Variants in NCOA3 observed in about 807,000 individuals in gnomAD.
The protein encoded by NCOA3 is nuclear receptor coactivator 3.
In NCOA3, 51 loss-of-function variants were observed where a neutral mutation model predicts 158.8. The observed-to-expected ratio is 0.32, with a 90% CI of 0.26 to 0.41. The LOEUF is 0.41. Ranked by LOEUF, NCOA3 falls within the 10% of genes least tolerant of loss-of-function variation. NCOA3 has a pLI of 1.00. For synonymous variants in NCOA3, 537 were observed against 592.4 expected, an observed-to-expected ratio of 0.91 and a Z score of 1.36; for missense variants, 1,510 against 1,746.6, an observed-to-expected ratio of 0.86 and a Z score of 2.41.
rs193162605 is a variant in NCOA3, at chr20:47,571,201, C to T, written c.-98-11982C>T. 2.6e-3 allele frequency among the ~76,000 whole-genome samples: 389 copies of T among 151,712 alleles called. 8 individuals carry two copies. The highest frequency in any genetic ancestry group is 0.024 in the Admixed American group (372 of 15,212). Reference sequence around the variant, plus strand: ...TGTATTTTTAGTAGAGACAGGGTTTCACCATGTTGGCTAGGCAGGTCTAGA... The same window carrying T: ...TGTATTTTTAGTAGAGACAGGGTTTTACCATGTTGGCTAGGCAGGTCTAGA... On this transcript the variant is annotated intron_variant, in intron 1 of 22. Transcript: ENST00000371998.
chr20:47,653,603 C>T lies in NCOA3; in HGVS notation c.*186C>T, dbSNP rs6094766. On this transcript the variant is annotated 3_prime_UTR_variant, in exon 23 of 23. Transcript: ENST00000371998. ...ATTTTAAGCCGAAGGGCAATATCTA[C>T]GTGTTTTTCCCCCCTCCTTCTGCTG... is the stretch of plus-strand genomic sequence containing the variant. The T allele has an allele frequency of 3.8e-3, 2,553 of 669,064 alleles. 47 individuals carry two copies. In the African/African-American group the frequency reaches 0.04, roughly 10 times the overall value. The allele number at this position is 669,064 out of a possible 1,614,324, so 41.4% of individuals were successfully genotyped here. A position where few individuals can be genotyped will look rare whatever the true frequency, so the allele number is the denominator to read the frequency against.
intron 2 of NCOA3, among the ~76,000 whole-genome samples, chr20:47,616,913 G>T (rs1206111317): frequency 2.6e-5 from 4 of 152,174 alleles, no homozygotes; most frequent in Non-Finnish European, 5.9e-5. Flanking sequence ...ATATCTAATT[G>T]TAGGGAGTCA....
At chr20:47,530,935 G>T (rs1311760058) in intron 1 of NCOA3, among the ~76,000 whole-genome samples, 2 of 152,134 alleles carry the variant, frequency 1.3e-5, no homozygotes, top group African/African-American at 4.8e-5. Flanking sequence ...CTGTAAACTG[G>T]CGTAGCAGTA....
chr20:47,590,374 G>T (rs1404672560), intron 2 of NCOA3, among the ~76,000 whole-genome samples: 2 of 152,142 alleles, frequency 1.3e-5, no homozygotes, highest in East Asian at 3.9e-4. Flanking sequence ...TACCTGGAGT[G>T]CAGTGGTATG....
At chr20:47,570,095 A>C (rs548723070) in intron 1 of NCOA3, among the ~76,000 whole-genome samples, 1 of 152,258 alleles carries the variant, frequency 6.6e-6, no homozygotes, top group African/African-American at 2.4e-5. Flanking sequence ...TGATTTCGAC[A>C]ATGTTCACAG....
chr20:47,627,817 T>A, intron 7 of NCOA3, 68 bp downstream of exon 7: 3 of 1,583,692 alleles, frequency 1.9e-6, no homozygotes, highest in Non-Finnish European at 2.6e-6. Context: ...TTTTGAAACT[T>A]GTGTTGTAAC....
intron 2 of NCOA3, among the ~76,000 whole-genome samples, chr20:47,591,081 G>A (rs903193408): frequency 1.3e-5 from 2 of 152,180 alleles, no homozygotes; most frequent in East Asian, 3.8e-4. Flanking sequence ...TTGCATTCCA[G>A]CCTGGGAAAC....
intron 17 of NCOA3, among the ~76,000 whole-genome samples, chr20:47,646,624 T>C (rs1285582366): frequency 1.3e-5 from 2 of 151,796 alleles, no homozygotes; most frequent in Non-Finnish European, 2.9e-5. Flanking sequence ...CAAGAGAAAA[T>C]AAGAGAGCCT....
intron 1 of NCOA3, among the ~76,000 whole-genome samples, chr20:47,577,494 A>G (rs932436863): frequency 6.6e-6 from 1 of 152,128 alleles, no homozygotes; most frequent in African/African-American, 2.4e-5. Context: ...CTCTCATGGG[A>G]CTCTGGTCTT....
At chr20:47,612,785 T>G (rs1275031264) in intron 2 of NCOA3, among the ~76,000 whole-genome samples, 1 of 152,234 alleles carries the variant, frequency 6.6e-6, no homozygotes, top group Admixed American at 6.5e-5. Flanking sequence ...GTTAGTATGC[T>G]GTCAGGAGAG....
In NCOA3 at chr20:47,649,014, C is replaced by A; in HGVS notation, c.3556C>A (p.Gln1186Lys). 1 of 1,612,168 alleles carries A rather than the reference C, an allele frequency of 6.2e-7. No homozygotes were observed. The highest frequency in any genetic ancestry group is 1.1e-5 in the South Asian group (1 of 90,892). ...QRLQGQQFLN[Q>K]SRQALELKME... ...ACTTGTCTCACCTCAGTTTTTGAAT[C>A]AGAGCCGACAGGCACTTGAATTGAA... Residue 1186 changes from glutamine (Q) to lysine (K), a missense_variant, in exon 19 of 23, where the codon CAG becomes AAG. Physicochemically the swap from Gln to Lys is moderately conservative, Grantham distance 53. This residue lies in a region of NCOA3 where 1,017 missense variants were observed against 1,098.3 expected (regional missense o/e 0.93). Coordinates refer to ENST00000371998, the MANE Select transcript of NCOA3 (RefSeq NM_181659.3).
chr20:47,551,415 C>G (rs554581037), intron 1 of NCOA3, among the ~76,000 whole-genome samples: 8 of 152,252 alleles, frequency 5.3e-5, no homozygotes, highest in African/African-American at 1.9e-4. Flanking sequence ...TCCCATCTTT[C>G]AAGCAGTAGA....
Position 47,543,572 on chromosome 20 carries a change from G to A in NCOA3, c.-98-39611G>A, listed in dbSNP as rs2425959. On this transcript the variant is annotated intron_variant, in intron 1 of 22. Transcript: ENST00000371998. ...TTGCCCAGGCTGGAGTGCAATGGTG[G>A]GATCTCGGCTCACCGCAACCTCCAC... Among the ~76,000 whole-genome samples the A allele has an allele frequency of 4.0e-3, 611 of 151,138 alleles. 7 individuals carry two copies. The highest frequency in any genetic ancestry group is 0.014 in the African/African-American group (578 of 41,132).
chr20:47,633,868 G>T, intron 9 of NCOA3, 180 bp from the exon 10 acceptor site: 1 of 841,880 alleles, frequency 1.2e-6, no homozygotes. Context: ...TCTTGTTGGT[G>T]AGGGGTAGGA....
Position 47,635,647 on chromosome 20 carries a change from A to G in NCOA3, c.1438A>G (p.Ile480Val), listed in dbSNP as rs763839535. ...TGGTCTTGCCCCAAACCAGCAGAAT[A>G]TCATGATTTCTCCTCGTAATCGTGG... Reference protein sequence around the residue: ...SPGLAPNQQNIMISPRNRGSP... With the variant: ...SPGLAPNQQNVMISPRNRGSP... The change falls in exon 11 of 23, where the codon ATC becomes GTC. Residue 480 changes from isoleucine (I) to valine (V), a missense_variant. By Grantham distance (29) the Ile-to-Val change is conservative (BLOSUM62 3). Transcript: ENST00000371998. 4 of 1,614,168 alleles carry G rather than the reference A, an allele frequency of 2.5e-6. No individual in the cohort carries two copies. The South Asian group carries it at 4.4e-5, about 18-fold the overall frequency.
At chr20:47,594,412 TA>T (rs2085708382) in intron 2 of NCOA3, among the ~76,000 whole-genome samples, 1 of 151,868 alleles carries the variant, frequency 6.6e-6, no homozygotes, top group Non-Finnish European at 1.5e-5. Flanking sequence ...CCTGTAATCC[TA>T]GCACTTTGGG....
At chr20:47,618,546 G>A (rs905439011) in intron 2 of NCOA3, among the ~76,000 whole-genome samples, 10 of 152,024 alleles carry the variant, frequency 6.6e-5, no homozygotes, top group Non-Finnish European at 1.3e-4. Context: ...TAGAGATGGA[G>A]TTTCTCCATG....
intron 1 of NCOA3, among the ~76,000 whole-genome samples, chr20:47,548,416 C>T (rs991995696): frequency 1.1e-4 from 17 of 151,652 alleles, no homozygotes; most frequent in African/African-American, 3.6e-4. Flanking sequence ...TGGTGGCAGG[C>T]GCCTGTAATC....
intron 1 of NCOA3, among the ~76,000 whole-genome samples, chr20:47,520,016 C>A (rs533372295): frequency 2.8e-5 from 4 of 144,390 alleles, no homozygotes; most frequent in Non-Finnish European, 4.5e-5. Flanking sequence ...CCGGCTTCAG[C>A]CTCCCAATGT....
Sources: gnomAD v4.1 joint callset for allele counts (sites outside exome capture counted in the v4.1 genomes callset) on GRCh38, gnomAD v4.1.1 for gene constraint, gnomAD v4.1.1 regional missense constraint, MANE v1.5 for transcripts, NCBI Gene and HGNC (gene_info 2026-07-23, HGNC 2026-07-21) for gene names.